The following ITGA1 variants were observed in gnomAD, a reference collection of about 807,000 sequenced individuals.
ITGA1 encodes the protein integrin subunit alpha 1, also known as integrin alpha-1.
In ITGA1, 85 loss-of-function variants were observed where a neutral mutation model predicts 145.9. That is an observed-to-expected ratio of 0.58 (90% confidence interval 0.49 to 0.70). The LOEUF (loss-of-function observed/expected upper bound fraction) is 0.70. Among genes scored for constraint, ITGA1 ranks in the 30% least tolerant of loss-of-function variants. The probability of loss-of-function intolerance (pLI) is 0.00; values close to 1 mark genes in which losing one functional copy is unlikely to be tolerated. For synonymous variants in ITGA1, 520 were observed against 495.3 expected (o/e 1.05, Z -0.66); for missense variants, 1,351 against 1,418.7 (o/e 0.95, Z 0.77).
intron 1 of ITGA1, among the ~76,000 whole-genome samples, chr5:52,841,053 C>G (rs181550106): frequency 1.0e-3 from 156 of 152,338 alleles, no homozygotes; most frequent in African/African-American, 3.5e-3. Context: ...AGTTAAAAAG[C>G]AGCTTCCCAG....
intron 1 of ITGA1, among the ~76,000 whole-genome samples, chr5:52,838,356 TAGGTGACTC>T (rs1417176438): frequency 3.9e-5 from 6 of 152,172 alleles, no homozygotes; most frequent in Non-Finnish European, 7.4e-5. Context: ...TTAAAGCTAC[TAGGTGACTC>T]TAGGATGGAC....
intron 1 of ITGA1, 58 bp downstream of exon 1, chr5:52,788,472 G>C: frequency 7.3e-7 from 1 of 1,361,134 alleles, no homozygotes; most frequent in Middle Eastern, 1.9e-4. Flanking sequence ...GCTTGGAGCG[G>C]GGAGGGAGGT....
rs1198419171 is a variant in ITGA1 at position 52,819,780 on chromosome 5, G to T, written c.62-29585G>T. Among the ~76,000 whole-genome samples the T allele has an allele frequency of 2.0e-5, 3 of 152,160 alleles. No homozygotes were observed. The East Asian group carries it at 5.8e-4, about 29-fold the overall frequency. ...TTCTTCTAGGGTTTTTATGGTTTTA[G>T]ATCTGACATTTAAGTCTTTAATCCA... is the stretch of plus-strand genomic sequence containing the variant. On this transcript the variant is annotated intron_variant, in intron 1 of 28. Transcript: ENST00000282588.
chr5:52,899,151 A>T (rs1390060127), intron 11 of ITGA1, among the ~76,000 whole-genome samples: 6 of 152,138 alleles, frequency 3.9e-5, no homozygotes, highest in Non-Finnish European at 5.9e-5. Context: ...CCAGGCATTG[A>T]TCTTAGTGCT....
chr5:52,925,077 A>T (rs1181082075), intron 18 of ITGA1, among the ~76,000 whole-genome samples: 1 of 152,244 alleles, frequency 6.6e-6, no homozygotes, highest in Non-Finnish European at 1.5e-5. Context: ...CACAATTTAC[A>T]TTTGTAAGTA....
chr5:52,884,164 C>T (rs1036700611), intron 7 of ITGA1, among the ~76,000 whole-genome samples: 3 of 152,244 alleles, frequency 2.0e-5, no homozygotes, highest in East Asian at 3.9e-4. Flanking sequence ...AGAAAATCGG[C>T]TGGGTGCAGT....
At position 52,843,742 on chromosome 5, in the gene ITGA1, A is replaced by G. The variant is rs930944215; in HGVS notation, c.62-5623A>G. Among the ~76,000 whole-genome samples the G allele has an allele frequency of 1.1e-4, 17 of 152,264 alleles. 1 individual carries two copies. Among genetic ancestry groups the G allele is most frequent in the African/African-American group, 4.1e-4 (17 of 41,546 alleles). ...TATTTTTATTAATCAGACCAACTCA[A>G]TAGCACCCTAGTTACAGAAATCCTA... On this transcript the variant is annotated intron_variant, in intron 1 of 28. Coordinates refer to ENST00000282588, the MANE Select transcript of ITGA1 (RefSeq NM_181501.2).
At chr5:52,863,001 A>T (rs1333395082) in intron 3 of ITGA1, among the ~76,000 whole-genome samples, 1 of 152,030 alleles carries the variant, frequency 6.6e-6, no homozygotes, top group African/African-American at 2.4e-5. Flanking sequence ...CTTTCCATTT[A>T]TTACCTTTCC....
intron 12 of ITGA1, among the ~76,000 whole-genome samples, chr5:52,906,563 C>T (rs754522081): frequency 5.3e-5 from 8 of 152,158 alleles, no homozygotes; most frequent in Admixed American, 1.3e-4. Context: ...CATTTACACA[C>T]ACACATATTA....
intron 23 of ITGA1, among the ~76,000 whole-genome samples, chr5:52,934,507 T>C (rs1483802782): frequency 6.6e-6 from 1 of 151,944 alleles, no homozygotes; most frequent in Admixed American, 6.6e-5. Context: ...TTCACATGCA[T>C]TGTACTATAA....
rs968617466 is a variant in ITGA1, at chr5:52,956,187, C to A, written c.*3736C>A. 3 of 152,170 alleles carry A rather than the reference C, an allele frequency of 2.0e-5. No individual in the cohort carries two copies. The highest frequency in any genetic ancestry group is 4.4e-5 in the Non-Finnish European group (3 of 68,060). 9.4% of individuals were successfully genotyped at this position (152,170 alleles called of 1,614,324 possible). On this transcript the variant is annotated 3_prime_UTR_variant, in exon 29 of 29. Coordinates refer to ENST00000282588, the MANE Select transcript of ITGA1 (RefSeq NM_181501.2). ...ACCGTGAATGGTGGCCCCACTGGCT[C>A]CATGGAGTGTGCCTTCACGCGGGGG...
At chr5:52,815,506 G>A (rs934369909) in intron 1 of ITGA1, among the ~76,000 whole-genome samples, 1 of 152,190 alleles carries the variant, frequency 6.6e-6, no homozygotes, top group East Asian at 1.9e-4. Flanking sequence ...TTGGGCAGGA[G>A]AGATCTTTGC....
At position 52,834,705 on chromosome 5, in the gene ITGA1, GGGAA is replaced by G. The variant is rs558355213; in HGVS notation, c.62-14648_62-14645del. On this transcript the variant is annotated intron_variant, in intron 1 of 28. Coordinates refer to ENST00000282588, the MANE Select transcript of ITGA1 (RefSeq NM_181501.2). The stretch of plus-strand genomic sequence containing the variant: ...AAAGAAAGAAGGGGAAGGAAGGAAG[GGGAA>G]GGAAGGAAGGAGAGAAAGAGAGAGA... Among the ~76,000 whole-genome samples the G allele has an allele frequency of 2.6e-4, 38 of 147,194 alleles. No homozygotes were observed. The South Asian group carries it at 8.0e-3, about 31-fold the overall frequency.
intron 17 of ITGA1, 127 bp from the exon 18 acceptor site, chr5:52,922,650 T>C (rs983604722): frequency 1.5e-6 from 1 of 662,356 alleles, no homozygotes; most frequent in Non-Finnish European, 2.7e-6. Flanking sequence ...TGAGATCATA[T>C]GTCAGATTAG....
chr5:52,955,394 T>C lies in ITGA1; in HGVS notation c.*2943T>C, dbSNP rs1036473108. 1 of 147,250 alleles carries C rather than the reference T, an allele frequency of 6.8e-6. No homozygotes were observed. The highest frequency in any genetic ancestry group is 2.5e-5 in the African/African-American group (1 of 40,010). 9.1% of individuals were successfully genotyped at this position (147,250 alleles called of 1,614,324 possible). On this transcript the variant is annotated 3_prime_UTR_variant, in exon 29 of 29. Transcript: ENST00000282588. ...ATAGATAGATAGATAGATAGATAGATATTGATAGAGAACATGTTGTGTCTA... is the reference window on the plus strand; with the variant it reads ...ATAGATAGATAGATAGATAGATAGACATTGATAGAGAACATGTTGTGTCTA...
intron 2 of ITGA1, among the ~76,000 whole-genome samples, chr5:52,861,084 C>T (rs945434890): frequency 6.6e-6 from 1 of 151,756 alleles, no homozygotes; most frequent in Non-Finnish European, 1.5e-5. Context: ...TTTCAGTACC[C>T]CAATAAAAAA....
chr5:52,849,602 G>A, intron 2 of ITGA1, 117 bp downstream of exon 2: 2 of 944,878 alleles, frequency 2.1e-6, no homozygotes, highest in Non-Finnish European at 1.5e-6. Flanking sequence ...ATTTATGGTA[G>A]AAAATGCAGT....
In ITGA1 at chr5:52,941,585, A is replaced by G. The variant is rs1751055191; in HGVS notation, c.3285+1641A>G. On this transcript the variant is annotated intron_variant, in intron 26 of 28. Transcript: ENST00000282588. ...GTCACCTGTATGTCATGTTTTAAGGAGTCTATTCATGTCCTTCGCCCATTA... is the reference window on the plus strand; with the variant it reads ...GTCACCTGTATGTCATGTTTTAAGGGGTCTATTCATGTCCTTCGCCCATTA... Among the ~76,000 whole-genome samples, 3 of 152,044 alleles carry G rather than the reference A, an allele frequency of 2.0e-5. No individual in the cohort carries two copies. The South Asian group carries it at 6.2e-4, about 32-fold the overall frequency.
intron 9 of ITGA1, among the ~76,000 whole-genome samples, chr5:52,895,798 A>G (rs113287830): frequency 1.2e-3 from 182 of 152,226 alleles, no homozygotes; most frequent in African/African-American, 4.1e-3. Context: ...CAGATTACAA[A>G]TGTCTTCTAT....
Sources: allele counts gnomAD v4.1 joint callset (sites outside exome capture counted in the v4.1 genomes callset), GRCh38; gene constraint gnomAD v4.1.1; transcripts MANE v1.5; gene names NCBI Gene and HGNC (gene_info 2026-07-23, HGNC 2026-07-21).